The following HSF5 variants were observed in gnomAD, a reference collection of about 807,000 sequenced individuals.
HSF5 encodes heat shock transcription factor 5, also known as heat shock factor protein 5.
Under a neutral mutation model 50.8 loss-of-function variants are expected in HSF5, and 5 were observed. The ratio of observed to expected loss-of-function variants is 0.10; its 90% CI spans 0.05 to 0.21. HSF5 has a LOEUF of 0.21. Ranked by LOEUF, HSF5 falls within the 10% of genes least tolerant of loss-of-function variation. HSF5 has a pLI of 1.00. For synonymous variants in HSF5, 307 were observed against 307.4 expected (o/e 1.00, Z 0.02); for missense variants, 564 against 762.6 (o/e 0.74, Z 3.07).
intron 5 of HSF5, among the ~76,000 whole-genome samples, chr17:58,433,227 G>C (rs1974386518): frequency 6.6e-6 from 1 of 152,196 alleles, no homozygotes; most frequent in African/African-American, 2.4e-5. Flanking sequence ...TCTCGCTTAA[G>C]CCCAAGTGAC....
chr17:58,460,471 A>C (rs898122680), intron 4 of HSF5, among the ~76,000 whole-genome samples: 2 of 119,800 alleles, frequency 1.7e-5, no homozygotes, highest in African/African-American at 8.5e-5. Flanking sequence ...CTTTATATAC[A>C]TATATATACA....
At chr17:58,471,916 C>T (rs552643092) in intron 2 of HSF5, among the ~76,000 whole-genome samples, 5 of 152,230 alleles carry the variant, frequency 3.3e-5, no homozygotes, top group South Asian at 4.1e-4. Context: ...TGCAGTGGCG[C>T]GATCTCAGCT....
At chr17:58,466,410 C>T (rs953909847) in intron 3 of HSF5, among the ~76,000 whole-genome samples, 3 of 152,180 alleles carry the variant, frequency 2.0e-5, no homozygotes, top group African/African-American at 7.2e-5. Flanking sequence ...AAATCCAGAA[C>T]AGCACTGTTT....
chr17:58,487,539 T>C (rs948369727), intron 1 of HSF5, among the ~76,000 whole-genome samples, 186 bp downstream of exon 1: 7 of 152,216 alleles, frequency 4.6e-5, no homozygotes, highest in Admixed American at 3.3e-4. Flanking sequence ...GCCACCGTGC[T>C]GGTGCCGCTG....
intron 1 of HSF5, among the ~76,000 whole-genome samples, chr17:58,480,760 T>TATCTATCTA (rs1395879021): frequency 3.4e-5 from 5 of 144,994 alleles, no homozygotes; most frequent in Non-Finnish European, 7.5e-5. Flanking sequence ...GTAACGCTCT[T>TATCTATCTA]TGCTATCTAT....
chr17:58,461,866 C>T (rs190725032), intron 4 of HSF5, among the ~76,000 whole-genome samples: 98 of 151,484 alleles, frequency 6.5e-4, no homozygotes, highest in African/African-American at 2.3e-3. Context: ...AGAGACTCCA[C>T]CTCAAAAAAA....
chr17:58,439,465 A>G lies in HSF5; in HGVS notation c.1721-17035T>C, dbSNP rs193061124. Among the ~76,000 whole-genome samples, 9 of 152,260 alleles carry G rather than the reference A, an allele frequency of 5.9e-5. No individual in the cohort carries two copies. The East Asian group carries it at 1.7e-3, about 29-fold the overall frequency. On this transcript the variant is annotated intron_variant, in intron 5 of 5. Coordinates refer to ENST00000323777, the MANE Select transcript of HSF5 (RefSeq NM_001080439.3). ...AAAGGAACAATTATAGAATAGAATAAAAAAGAGCTGTTAGAAGTTATAATT... is the reference window on the plus strand; with the variant it reads ...AAAGGAACAATTATAGAATAGAATAGAAAAGAGCTGTTAGAAGTTATAATT...
chr17:58,471,088 T>C (rs565988400), intron 2 of HSF5, among the ~76,000 whole-genome samples: 1 of 152,204 alleles, frequency 6.6e-6, no homozygotes, highest in South Asian at 2.1e-4. Flanking sequence ...AGTTAGTGGT[T>C]AGCAGGTACA....
At chr17:58,476,893 G>A (rs1387401300) in intron 2 of HSF5, 4 of 1,107,516 alleles carry the variant, frequency 3.6e-6, no homozygotes, top group Admixed American at 4.1e-5. Context: ...AGGTCTCGTC[G>A]GCCCTGTAGT....
chr17:58,462,802 G>A lies in HSF5; in HGVS notation c.1522C>T (p.Pro508Ser), dbSNP rs1234743742. 1 of 1,608,450 alleles carries A rather than the reference G, an allele frequency of 6.2e-7. No homozygotes were observed. The highest frequency in any genetic ancestry group is 1.3e-5 in the African/African-American group (1 of 74,804). ...PSSVVFVQEGPPFSTHQVDAN... is the reference protein window; with the variant it reads ...PSSVVFVQEGSPFSTHQVDAN... ...CTTACCTGGTGTGTGCTGAATGGTG[G>A]CCCTTCCTGCACAAATACTACTGAA... Residue 508 changes from proline (P) to serine (S), a missense_variant, in exon 4 of 6, where the codon CCA becomes TCA. By Grantham distance (74) the Pro-to-Ser change is moderately conservative (BLOSUM62 -1). Transcript: ENST00000323777.
At chr17:58,434,195 G>C (rs1018027405) in intron 5 of HSF5, among the ~76,000 whole-genome samples, 3 of 152,022 alleles carry the variant, frequency 2.0e-5, no homozygotes, top group African/African-American at 7.2e-5. Flanking sequence ...TTACAGGCGT[G>C]AGCCACTGTG....
chr17:58,464,844 G>C lies in HSF5; in HGVS notation c.1021-1541C>G, dbSNP rs370909766. Among the ~76,000 whole-genome samples, 165 of 152,078 alleles carry C rather than the reference G, an allele frequency of 1.1e-3. 2 individuals carry two copies. Among genetic ancestry groups the C allele is most frequent in the Middle Eastern group, 0.01 (3 of 294 alleles). ...AACAGGGTTTCGCCATGTTGGCCAG[G>C]CTGGTCTTAAACTCCTGACCTCAAG... On this transcript the variant is annotated intron_variant, in intron 3 of 5. Coordinates refer to ENST00000323777, the MANE Select transcript of HSF5 (RefSeq NM_001080439.3).
intron 1 of HSF5, among the ~76,000 whole-genome samples, chr17:58,487,122 G>T (rs775133643): frequency 2.0e-5 from 3 of 151,872 alleles, no homozygotes; most frequent in Non-Finnish European, 4.4e-5. Context: ...TGGTTAGGCC[G>T]GTCTCAAACT....
At chr17:58,467,886 AGT>A (rs1231056714) in intron 2 of HSF5, among the ~76,000 whole-genome samples, 1 of 152,224 alleles carries the variant, frequency 6.6e-6, no homozygotes, top group Admixed American at 6.5e-5. Context: ...CTCCAGTATA[AGT>A]GAGAATCAGT....
chr17:58,451,701 G>C (rs1256411686), intron 5 of HSF5, among the ~76,000 whole-genome samples: 2 of 152,050 alleles, frequency 1.3e-5, no homozygotes, highest in East Asian at 1.9e-4. Flanking sequence ...TCCTACGAGG[G>C]AAGTTTATGG....
At chr17:58,439,348 A>G (rs1598183921) in intron 5 of HSF5, among the ~76,000 whole-genome samples, 2 of 151,450 alleles carry the variant, frequency 1.3e-5, no homozygotes, top group African/African-American at 2.4e-5. Context: ...TGTTGTGGGG[A>G]AACAACTTCA....
At chr17:58,452,648 A>G (rs529244318) in intron 5 of HSF5, among the ~76,000 whole-genome samples, 1 of 152,304 alleles carries the variant, frequency 6.6e-6, no homozygotes, top group African/African-American at 2.4e-5. Flanking sequence ...CATTCCTACA[A>G]AAAATTTAAA....
At chr17:58,436,526 A>G (rs1974428996) in intron 5 of HSF5, among the ~76,000 whole-genome samples, 1 of 151,990 alleles carries the variant, frequency 6.6e-6, no homozygotes, top group African/African-American at 2.4e-5. Flanking sequence ...CCAAAGGATA[A>G]GGCTTTACTT....
chr17:58,463,221 G>A lies in HSF5; in HGVS notation c.1103C>T (p.Thr368Ile). Reference protein sequence around the residue: ...PCSTTDENTKTEVNLEAVFQI... With the variant: ...PCSTTDENTKIEVNLEAVFQI... ...AAAGACAGCCTCTAGGTTTACTTCT[G>A]TCTTTGTATTTTCATCAGTAGTACT... is the stretch of plus-strand genomic sequence containing the variant. Residue 368 changes from threonine to isoleucine, a missense_variant, in exon 4 of 6, where the codon ACA becomes ATA. By Grantham distance (89) the Thr-to-Ile change is moderately conservative. Transcript: ENST00000323777. The A allele has an allele frequency of 6.2e-7, 1 of 1,614,072 alleles. No individual in the cohort carries two copies. The highest frequency in any genetic ancestry group is 8.5e-7 in the Non-Finnish European group (1 of 1,179,946).
Sources: allele counts gnomAD v4.1 joint callset (sites outside exome capture counted in the v4.1 genomes callset), GRCh38; gene constraint gnomAD v4.1.1; transcripts MANE v1.5; gene names NCBI Gene and HGNC (gene_info 2026-07-23, HGNC 2026-07-21).